The following FIG4 variants were observed in gnomAD, a reference collection of about 807,000 sequenced individuals.
The protein encoded by FIG4 is FIG4 phosphoinositide 5-phosphatase, also known as polyphosphoinositide phosphatase.
FIG4 carries 112 observed loss-of-function variants against 118.6 expected under a neutral mutation model. The observed-to-expected ratio is 0.94, with a 90% confidence interval of 0.81 to 1.11. The LOEUF (loss-of-function observed/expected upper bound fraction) is 1.11, where lower values mean the gene tolerates loss of function less well. Among genes scored for constraint, FIG4 ranks in the 50% least tolerant of loss-of-function variants. FIG4 has a pLI of 0.00. For synonymous variants in FIG4, 369 were observed against 381.2 expected (o/e 0.97, Z 0.37); for missense variants, 969 against 1,111.7 (o/e 0.87, Z 1.83).
chr6:109,820,908 G>A (rs77195905), intron 22 of FIG4, among the ~76,000 whole-genome samples: 8,538 of 152,184 alleles, frequency 0.056, 274 homozygotes, highest in South Asian at 0.16. Flanking sequence ...GTGTGCAAGA[G>A]GAAGAAGCAG....
chr6:109,815,029 T>C (rs1313207388), intron 22 of FIG4, among the ~76,000 whole-genome samples: 1 of 151,804 alleles, frequency 6.6e-6, no homozygotes, highest in Non-Finnish European at 1.5e-5. Flanking sequence ...TCAAATATTT[T>C]TATAAATAAA....
chr6:109,738,558 A>AC (rs1465761246), intron 7 of FIG4, 105 bp downstream of exon 7: 23 of 1,104,464 alleles, frequency 2.1e-5, no homozygotes, highest in South Asian at 5.1e-5. Context: ...CACTCTGTGC[A>AC]CCCCAACAGG....
chr6:109,766,711 G>A lies in FIG4; in HGVS notation c.1584-18G>A, dbSNP rs368265869. 13 of 1,609,714 alleles carry A rather than the reference G, an allele frequency of 8.1e-6. No individual in the cohort carries two copies. In the Admixed American group the frequency reaches 1.0e-4, roughly 12 times the overall value. ...TTGATTTTGGTGAAATTCTTTAATC[G>A]GGTTTTTCTTTTTTTAGGTTATTTG... On this transcript the variant is annotated intron_variant, in intron 14 of 22. Coordinates refer to ENST00000230124, the MANE Select transcript of FIG4 (RefSeq NM_014845.6).
At chr6:109,764,098 G>A (rs1777200923) in intron 13 of FIG4, 116 bp downstream of exon 13, 1 of 713,666 alleles carries the variant, frequency 1.4e-6, no homozygotes, top group African/African-American at 1.8e-5. Context: ...ATTATTATTT[G>A]AGAATGATTG....
At position 109,741,666 on chromosome 6, in the gene FIG4, A is replaced by G. The variant is rs1776327749; in HGVS notation, c.876+122A>G. On this transcript the variant is annotated intron_variant, in intron 8 of 22. Transcript: ENST00000230124. Reference sequence around the variant, plus strand: ...TAGTTTGGGATATTATCAAGAGAATACAGTTGCCTTTTAGTATCAACAAGG... The same window carrying G: ...TAGTTTGGGATATTATCAAGAGAATGCAGTTGCCTTTTAGTATCAACAAGG... 1.2e-5 allele frequency: 9 copies of G among 755,830 alleles called. No individual in the cohort carries two copies. In the Admixed American group the frequency reaches 1.4e-4, roughly 12 times the overall value. 46.8% of individuals were successfully genotyped at this position (755,830 alleles called of 1,614,324 possible). A position where few individuals can be genotyped will look rare whatever the true frequency, so the allele number is the denominator to read the frequency against.
In FIG4 at chr6:109,778,651, T is replaced by G. The variant is rs1282333359; in HGVS notation, c.1889+1591T>G. On this transcript the variant is annotated intron_variant, in intron 16 of 22. Transcript: ENST00000230124. ...CCTCACTCTGTGGCCCAGGCTGGAG[T>G]GCAGTGGCGCGATCTCAGCTCACTG... 2.6e-5 allele frequency among the ~76,000 whole-genome samples: 4 copies of G among 151,992 alleles called. No individual in the cohort carries two copies. The East Asian group carries it at 5.9e-4, about 22-fold the overall frequency.
chr6:109,787,894 G>C (rs542799837), intron 18 of FIG4, among the ~76,000 whole-genome samples: 1 of 152,170 alleles, frequency 6.6e-6, no homozygotes, highest in Non-Finnish European at 1.5e-5. Flanking sequence ...CAGAAACGTA[G>C]TTAATATACA....
intron 22 of FIG4, among the ~76,000 whole-genome samples, chr6:109,813,615 A>G (rs116377986): frequency 9.5e-4 from 145 of 152,324 alleles, no homozygotes; most frequent in African/African-American, 3.4e-3. Context: ...TCAGGGGATA[A>G]CGGTGTGGTA....
intron 1 of FIG4, among the ~76,000 whole-genome samples, chr6:109,711,833 T>A (rs190109927): frequency 6.6e-6 from 1 of 152,178 alleles, no homozygotes; most frequent in Non-Finnish European, 1.5e-5. Flanking sequence ...CACACTTGTT[T>A]ATGTGGTTGC....
chr6:109,784,948 T>C, intron 16 of FIG4, 22 bp from the exon 17 acceptor site: 1 of 1,357,332 alleles, frequency 7.4e-7, no homozygotes, highest in Non-Finnish European at 1.0e-6. Flanking sequence ...GTTCATCTTT[T>C]TTTTTAATTT....
intron 15 of FIG4, among the ~76,000 whole-genome samples, chr6:109,770,820 A>G (rs1397144735): frequency 6.6e-6 from 1 of 152,184 alleles, no homozygotes; most frequent in Non-Finnish European, 1.5e-5. Context: ...ACATTTCAAC[A>G]CCAGAGTTCG....
Position 109,709,035 on chromosome 6 carries a change from C to T in FIG4, c.67-6043C>T, listed in dbSNP as rs548472720. Among the ~76,000 whole-genome samples, 10 of 152,290 alleles carry T rather than the reference C, an allele frequency of 6.6e-5. No individual in the cohort carries two copies. The East Asian group carries it at 1.5e-3, about 23-fold the overall frequency. On this transcript the variant is annotated intron_variant, in intron 1 of 22. Transcript: ENST00000230124. ...TGGATCTTCATCATGAAATCTTTGC[C>T]TGTGCCTATGTCCTGAATGGTATTG...
chr6:109,786,101 A>G (rs983186588), intron 17 of FIG4: 33 of 579,180 alleles, frequency 5.7e-5, no homozygotes. Flanking sequence ...TGTTGAACTC[A>G]GCTTTGCATT....
chr6:109,766,136 T>C (rs1777272000), intron 14 of FIG4, among the ~76,000 whole-genome samples: 1 of 152,154 alleles, frequency 6.6e-6, no homozygotes, highest in South Asian at 2.1e-4. Context: ...AGTGTCCTTA[T>C]TATAAAAGAC....
chr6:109,823,111 C>A (rs1310885891), intron 22 of FIG4, among the ~76,000 whole-genome samples: 1 of 151,940 alleles, frequency 6.6e-6, no homozygotes, highest in East Asian at 1.9e-4. Context: ...GTTGATGTTG[C>A]CTAGGCTTGG....
chr6:109,796,159 A>C (rs555792241), intron 21 of FIG4, among the ~76,000 whole-genome samples: 1 of 152,356 alleles, frequency 6.6e-6, no homozygotes, highest in South Asian at 2.1e-4. Context: ...AGAAGAGGTC[A>C]TATGGCCGTT....
At chr6:109,791,333 G>A in intron 19 of FIG4, 43 bp from the exon 20 acceptor site, 1 of 1,531,324 alleles carries the variant, frequency 6.5e-7, no homozygotes, top group Non-Finnish European at 9.0e-7. Context: ...GGTGTTGAGG[G>A]TTAGTTTAAA....
intron 1 of FIG4, among the ~76,000 whole-genome samples, chr6:109,713,843 A>G (rs529801799): frequency 1.3e-5 from 2 of 152,232 alleles, no homozygotes; most frequent in South Asian, 4.1e-4. Context: ...GCAGGCCCCC[A>G]GGACACCTAA....
intron 2 of FIG4, 46 bp from the exon 3 acceptor site, chr6:109,716,395 TAATC>T: frequency 6.2e-7 from 1 of 1,601,340 alleles, no homozygotes; most frequent in Middle Eastern, 1.7e-4. Flanking sequence ...AAATAATAAA[TAATC>T]TAAAGTTTAA....
Sources: gnomAD v4.1 joint callset for allele counts (sites outside exome capture counted in the v4.1 genomes callset) on GRCh38, gnomAD v4.1.1 for gene constraint, MANE v1.5 for transcripts, NCBI Gene and HGNC (gene_info 2026-07-23, HGNC 2026-07-21) for gene names.